LINGO1: variants seen among roughly 807,000 people sequenced by gnomAD.
LINGO1 encodes the protein leucine rich repeat and Ig domain containing 1.
Under a neutral mutation model 37.3 loss-of-function variants are expected in LINGO1, and 11 were observed. The ratio of observed to expected loss-of-function variants is 0.29; its 90% CI spans 0.19 to 0.49. The LOEUF (loss-of-function observed/expected upper bound fraction) is 0.49, where lower values mean the gene tolerates loss of function less well. LINGO1 is among the 20% of genes least tolerant of loss of function. The pLI, the probability that LINGO1 is intolerant of heterozygous loss-of-function variation, is 0.99. For missense variants in LINGO1, 585 were observed against 878.2 expected (o/e 0.67, Z 4.22); for synonymous variants, 387 against 403.0 (o/e 0.96, Z 0.48).
At chr15:77,813,179 T>C (rs1013267610) in intron 1 of LINGO1, among the ~76,000 whole-genome samples, 2 of 152,136 alleles carry the variant, frequency 1.3e-5, no homozygotes, top group African/African-American at 4.8e-5. Context: ...GATACACTGC[T>C]CTCAGAGTTC....
chr15:77,732,074 A>T (rs2076159278), intron 2 of LINGO1, among the ~76,000 whole-genome samples: 1 of 152,010 alleles, frequency 6.6e-6, no homozygotes, highest in Non-Finnish European at 1.5e-5. Flanking sequence ...GCATCATCTC[A>T]TCTCATCTTC....
chr15:77,752,118 G>A (rs937985787), intron 1 of LINGO1, among the ~76,000 whole-genome samples: 2 of 152,184 alleles, frequency 1.3e-5, no homozygotes, highest in Non-Finnish European at 2.9e-5. Context: ...ACCCCATGCT[G>A]CACCTGTGCC....
intron 2 of LINGO1, among the ~76,000 whole-genome samples, chr15:77,727,528 C>A (rs2076114259): frequency 6.6e-6 from 1 of 152,102 alleles, no homozygotes; most frequent in Admixed American, 6.5e-5. Context: ...GTATGAGGTA[C>A]CTAAGGTGCT....
At chr15:77,782,099 G>A (rs1252915732) in intron 1 of LINGO1, among the ~76,000 whole-genome samples, 1 of 152,224 alleles carries the variant, frequency 6.6e-6, no homozygotes, top group African/African-American at 2.4e-5. Flanking sequence ...GGAAAATTAT[G>A]TTCCCGTGCT....
chr15:77,676,969 C>T, intron 3 of LINGO1: 1 of 152,316 alleles, frequency 6.6e-6, no homozygotes, highest in East Asian at 1.9e-4. Flanking sequence ...CACCATGGCC[C>T]CTGGCAGGGG....
chr15:77,764,821 C>T, intron 1 of LINGO1, among the ~76,000 whole-genome samples: 1 of 152,176 alleles, frequency 6.6e-6, no homozygotes, highest in East Asian at 1.9e-4. Flanking sequence ...CAAGAGTCTC[C>T]CACATGCACA....
chr15:77,810,647 C>T (rs539551857), intron 1 of LINGO1, among the ~76,000 whole-genome samples: 33 of 152,314 alleles, frequency 2.2e-4, no homozygotes, highest in African/African-American at 7.7e-4. Flanking sequence ...GCCTCAGTTT[C>T]CTATCTGGAA....
At chr15:77,639,055 T>C (rs1308436714), upstream of LINGO1, among the ~76,000 whole-genome samples, 4 of 152,128 alleles carry the variant, frequency 2.6e-5, 1 homozygote, top group Non-Finnish European at 5.9e-5. Flanking sequence ...AAGGAACTGA[T>C]GTCTCTAGTC....
chr15:77,747,433 A>G (rs954801940), intron 1 of LINGO1, among the ~76,000 whole-genome samples: 1 of 152,172 alleles, frequency 6.6e-6, no homozygotes, highest in African/African-American at 2.4e-5. Flanking sequence ...GGTTCCCCCA[A>G]GCAGGTCAAT....
intron 3 of LINGO1, among the ~76,000 whole-genome samples, chr15:77,660,402 G>T (rs1011715893): frequency 6.6e-6 from 1 of 152,202 alleles, no homozygotes; most frequent in African/African-American, 2.4e-5. Context: ...AGGGTGCCTG[G>T]CCTGAAGCCC....
chr15:77,752,085 A>T (rs2076377631), intron 1 of LINGO1, among the ~76,000 whole-genome samples: 1 of 152,188 alleles, frequency 6.6e-6, no homozygotes, highest in Non-Finnish European at 1.5e-5. Flanking sequence ...ACCAGGATCT[A>T]TGTCATCCCA....
chr15:77,755,116 C>T (rs1211629002), intron 1 of LINGO1, among the ~76,000 whole-genome samples: 2 of 152,232 alleles, frequency 1.3e-5, no homozygotes, highest in African/African-American at 4.8e-5. Flanking sequence ...CAGACTGGAG[C>T]ACAGCCAGGT....
At chr15:77,735,175 T>C (rs113995709) in intron 1 of LINGO1, 538 of 152,232 alleles carry the variant, frequency 3.5e-3, no homozygotes, top group African/African-American at 0.012. Context: ...CTGGGCCAGA[T>C]AGAGCAGGAG....
At chr15:77,752,478 G>T (rs978156188) in intron 1 of LINGO1, among the ~76,000 whole-genome samples, 4 of 152,216 alleles carry the variant, frequency 2.6e-5, no homozygotes, top group African/African-American at 9.7e-5. Flanking sequence ...GCCTTCTCCG[G>T]CCCAGCCTCC....
At chr15:77,637,584 G>A (rs940098706), upstream of LINGO1, among the ~76,000 whole-genome samples, 1 of 152,156 alleles carries the variant, frequency 6.6e-6, no homozygotes, top group African/African-American at 2.4e-5. This position sits in a 1 kb window ranked among gnomAD's most constrained non-coding sequence, Gnocchi z 4.6. Context: ...TTAACGTGTG[G>A]CTGGTATCTA....
intron 2 of LINGO1, among the ~76,000 whole-genome samples, chr15:77,794,485 TAC>T (rs1244459802): frequency 8.2e-6 from 1 of 121,268 alleles, no homozygotes; most frequent in Non-Finnish European, 1.7e-5. Context: ...TGTATATACA[TAC>T]ATATATACGT....
intron 2 of LINGO1, chr15:77,734,875 A>C (rs967019643): frequency 1.3e-5 from 2 of 152,284 alleles, no homozygotes; most frequent in Admixed American, 6.5e-5. Flanking sequence ...GGGGAAGGGA[A>C]AGGGGGGTCC....
chr15:77,759,206 C>T (rs1036004202), intron 1 of LINGO1, among the ~76,000 whole-genome samples: 1 of 152,246 alleles, frequency 6.6e-6, no homozygotes, highest in South Asian at 2.1e-4. Flanking sequence ...CACACACTAC[C>T]TTGCACATTG....
At chr15:77,651,340 A>G (rs1283985866) in intron 3 of LINGO1, 2 of 152,246 alleles carry the variant, frequency 1.3e-5, no homozygotes, top group Non-Finnish European at 2.9e-5. Context: ...TGCAGGCTGC[A>G]TTAGAACTAA....
Sources: allele counts gnomAD v4.1 joint callset (sites outside exome capture counted in the v4.1 genomes callset), GRCh38; gene constraint gnomAD v4.1.1; non-coding constraint Gnocchi (gnomAD v3.1); transcripts MANE v1.5; gene names NCBI Gene and HGNC (gene_info 2026-07-23, HGNC 2026-07-21).